The following KLHL29 variants were observed in gnomAD, a reference collection of about 807,000 sequenced individuals.
KLHL29 encodes the protein kelch like family member 29, also known as kelch-like protein 29.
Under a neutral mutation model 80.4 loss-of-function variants are expected in KLHL29, and 21 were observed. The observed-to-expected ratio is 0.26, with a 90% CI of 0.19 to 0.38. The LOEUF (loss-of-function observed/expected upper bound fraction) is 0.38, where lower values mean the gene tolerates loss of function less well. KLHL29 is among the 10% of genes least tolerant of loss of function. KLHL29 has a pLI of 1.00. For missense variants in KLHL29, 867 were observed against 1,223.9 expected, an observed-to-expected ratio of 0.71 and a Z score of 4.35; for synonymous variants, 511 against 526.8, an observed-to-expected ratio of 0.97 and a Z score of 0.41.
At chr2:23,683,978 GC>G (rs1671166879) in intron 5 of KLHL29, among the ~76,000 whole-genome samples, 1 of 152,170 alleles carries the variant, frequency 6.6e-6, no homozygotes, top group East Asian at 1.9e-4. Flanking sequence ...ACATCACAGT[GC>G]CATGCTTGAC....
chr2:23,466,753 T>C (rs1473729078), intron 1 of KLHL29, among the ~76,000 whole-genome samples: 1 of 152,228 alleles, frequency 6.6e-6, no homozygotes, highest in Non-Finnish European at 1.5e-5. Flanking sequence ...TATTTATAGA[T>C]GTATTTGGAT....
chr2:23,627,528 C>T (rs915750982), intron 3 of KLHL29, among the ~76,000 whole-genome samples: 1 of 152,246 alleles, frequency 6.6e-6, no homozygotes, highest in African/African-American at 2.4e-5. Context: ...CAGGCGCTGA[C>T]TTGTTTGGGT....
intron 2 of KLHL29, among the ~76,000 whole-genome samples, chr2:23,504,205 CAAA>C (rs977188989): frequency 3.3e-5 from 5 of 151,628 alleles, no homozygotes; most frequent in Admixed American, 2.6e-4. Flanking sequence ...TGTGCTCAAG[CAAA>C]AAAAATTATT....
intron 1 of KLHL29, among the ~76,000 whole-genome samples, chr2:23,423,203 G>A (rs557597314): frequency 5.9e-5 from 9 of 152,174 alleles, no homozygotes; most frequent in Non-Finnish European, 1.0e-4. Context: ...TTTTCCCTGC[G>A]AACAGAAAAG....
intron 1 of KLHL29, among the ~76,000 whole-genome samples, chr2:23,431,195 A>T (rs1015070913): frequency 6.6e-5 from 10 of 152,192 alleles, no homozygotes; most frequent in Non-Finnish European, 1.5e-4. Flanking sequence ...TGGCACCAAC[A>T]GGTCTTCCTA....
chr2:23,574,143 T>A (rs575138102), intron 3 of KLHL29, among the ~76,000 whole-genome samples: 2 of 152,260 alleles, frequency 1.3e-5, no homozygotes, highest in East Asian at 3.9e-4. Flanking sequence ...CTGTCTTCCC[T>A]GTGAGCTCAG....
chr2:23,634,283 T>C (rs1489214526), intron 3 of KLHL29, among the ~76,000 whole-genome samples: 1 of 152,170 alleles, frequency 6.6e-6, no homozygotes, highest in Non-Finnish European at 1.5e-5. Context: ...CTGTGGGTGC[T>C]GGCATCATCG....
chr2:23,694,871 C>T (rs1334201151), intron 8 of KLHL29, among the ~76,000 whole-genome samples: 1 of 152,148 alleles, frequency 6.6e-6, no homozygotes, highest in East Asian at 1.9e-4. Flanking sequence ...TCTTGCCCCT[C>T]GTGAATTTTT....
chr2:23,437,954 C>A (rs938096475), intron 1 of KLHL29, among the ~76,000 whole-genome samples: 1 of 137,652 alleles, frequency 7.3e-6, no homozygotes, highest in Admixed American at 7.8e-5. Flanking sequence ...ATGGAATGTT[C>A]TTCCATTTGT....
chr2:23,492,279 C>T (rs1178937234), intron 2 of KLHL29, among the ~76,000 whole-genome samples: 1 of 152,224 alleles, frequency 6.6e-6, no homozygotes, highest in Non-Finnish European at 1.5e-5. Flanking sequence ...CCTCCCAAGG[C>T]TGAATCAACC....
Position 23,706,570 on chromosome 2 carries a change from C to G in KLHL29, c.2534C>G (p.Pro845Arg). Residue 845 changes from proline (P) to arginine (R), a missense_variant, in exon 14 of 14, where the codon CCC (proline) becomes CGC (arginine). This residue lies in a region of KLHL29 where 443 missense variants were observed against 767.0 expected (regional missense o/e 0.58). Coordinates refer to ENST00000486442, the MANE Select transcript of KLHL29 (RefSeq NM_052920.2). ...CTGGGCAACATGGAGGCCTACGAGCCCACAACCAACACATGGACCCTCCTC... is the reference window on the plus strand; with the variant it reads ...CTGGGCAACATGGAGGCCTACGAGCGCACAACCAACACATGGACCCTCCTC... ...PALGNMEAYE[P>R]TTNTWTLLPH... 6.5e-7 allele frequency: 1 copy of G among 1,537,184 alleles called. No individual in the cohort carries two copies. The highest frequency in any genetic ancestry group is 1.2e-5 in the South Asian group (1 of 84,024).
At chr2:23,388,637 T>C (rs766842573) in intron 1 of KLHL29, among the ~76,000 whole-genome samples, 2 of 152,240 alleles carry the variant, frequency 1.3e-5, no homozygotes, top group Non-Finnish European at 2.9e-5. Flanking sequence ...GTGCCATCTT[T>C]TTCCTTCTTT....
intron 5 of KLHL29, chr2:23,667,272 CTTAAT>C (rs1430758928): frequency 6.6e-6 from 1 of 152,160 alleles, no homozygotes; most frequent in African/African-American, 2.4e-5. Context: ...GCTGTCGTTC[CTTAAT>C]TTTATTTTTT....
chr2:23,422,594 T>G (rs1342641545), intron 1 of KLHL29, among the ~76,000 whole-genome samples: 1 of 151,626 alleles, frequency 6.6e-6, no homozygotes, highest in Non-Finnish European at 1.5e-5. Flanking sequence ...TGTCTGTGTC[T>G]CTGTGTTGTG....
At chr2:23,437,153 A>G (rs766913763) in intron 1 of KLHL29, among the ~76,000 whole-genome samples, 7 of 152,230 alleles carry the variant, frequency 4.6e-5, no homozygotes, top group East Asian at 1.9e-4. Flanking sequence ...GGCCAAGTCT[A>G]TGCAAACCAG....
intron 2 of KLHL29, among the ~76,000 whole-genome samples, chr2:23,495,157 G>A (rs1204032701): frequency 1.3e-5 from 2 of 152,146 alleles, no homozygotes; most frequent in Non-Finnish European, 1.5e-5. Context: ...CAGAGTGCTG[G>A]GATCACAGGC....
In KLHL29 at chr2:23,693,375, C is replaced by T. The variant is rs1000662622; in HGVS notation, c.1389C>T (p.Phe463=). The T allele has an allele frequency of 1.9e-6, 3 of 1,551,732 alleles. No individual in the cohort carries two copies. ...HMAKAFALQI[F]PEVAAQEEIL... ...CCAAGGCCTTCGCGCTGCAGATCTTCCCCGAGGTGGCCGCCCAGGAGGAGA... is the reference window on the plus strand; with the variant it reads ...CCAAGGCCTTCGCGCTGCAGATCTTTCCCGAGGTGGCCGCCCAGGAGGAGA... Residue 463 remains phenylalanine (F), a synonymous_variant, in exon 8 of 14, where the codon TTC becomes TTT. Coordinates refer to ENST00000486442, the MANE Select transcript of KLHL29 (RefSeq NM_052920.2).
intron 3 of KLHL29, among the ~76,000 whole-genome samples, chr2:23,582,429 G>C (rs1309132304): frequency 1.3e-5 from 2 of 152,190 alleles, no homozygotes; most frequent in African/African-American, 2.4e-5. Flanking sequence ...CAGAAGTGGG[G>C]GTGGAGGATG....
intron 2 of KLHL29, among the ~76,000 whole-genome samples, chr2:23,543,827 C>T (rs1057344363): frequency 1.3e-5 from 2 of 152,130 alleles, no homozygotes; most frequent in African/African-American, 2.4e-5. Flanking sequence ...CTGGCTGCTC[C>T]CTCCACCACT....
Sources: allele counts gnomAD v4.1 joint callset (sites outside exome capture counted in the v4.1 genomes callset), GRCh38; gene constraint gnomAD v4.1.1; regional missense constraint gnomAD v4.1.1; transcripts MANE v1.5; gene names NCBI Gene and HGNC (gene_info 2026-07-23, HGNC 2026-07-21).